Variants in SYAP1 observed in about 807,000 individuals in gnomAD.
SYAP1 encodes synapse associated protein 1.
A neutral mutation model predicts 29.6 loss-of-function variants in SYAP1; 3 were observed. The observed-to-expected ratio is 0.10, with a 90% CI of 0.05 to 0.26. The LOEUF (loss-of-function observed/expected upper bound fraction) is 0.26, where lower values mean the gene tolerates loss of function less well. SYAP1 is among the 10% of genes least tolerant of loss of function. The pLI is 1.00. For synonymous variants in SYAP1, 102 were observed against 102.7 expected (o/e 0.99, Z 0.04); for missense variants, 217 against 264.1 (o/e 0.82, Z 1.24).
In SYAP1 at chrX:16,738,461, G is replaced by A. The variant is rs140481131; in HGVS notation, c.361+2229G>A. ...CAGTCAGCAAGGGTAAGTAATTTGC[G>A]GAAGGTCACTCAGCTGGTAAGTGAT... is the stretch of plus-strand genomic sequence containing the variant. On this transcript the variant is annotated intron_variant, in intron 3 of 8. Coordinates refer to ENST00000380155, the MANE Select transcript of SYAP1 (RefSeq NM_032796.4). 8.4e-3 allele frequency among the ~76,000 whole-genome samples: 932 copies of A among 110,898 alleles called. 12 individuals are homozygous for A. Among genetic ancestry groups the A allele is most frequent in the African/African-American group, 0.029 (883 of 30,501 alleles).
At chrX:16,732,475 T>C (rs1013048259) in intron 1 of SYAP1, among the ~76,000 whole-genome samples, 2 of 108,222 alleles carry the variant, frequency 1.8e-5, no homozygotes, top group Non-Finnish European at 3.8e-5. Context: ...GGTTTCACCA[T>C]GTTAGCCAGG....
At chrX:16,752,107 G>T (rs1196748789) in intron 5 of SYAP1, among the ~76,000 whole-genome samples, 2 of 104,542 alleles carry the variant, frequency 1.9e-5, no homozygotes, top group African/African-American at 3.5e-5. Flanking sequence ...AGCCTCCCAA[G>T]TAGCTGGGAC....
intron 3 of SYAP1, among the ~76,000 whole-genome samples, chrX:16,738,712 G>A (rs777260957): frequency 2.9e-4 from 32 of 111,728 alleles, no homozygotes; most frequent in African/African-American, 9.7e-4. Context: ...ACCCAAGAGA[G>A]TGGACAACTA....
chrX:16,741,926 C>T, intron 4 of SYAP1, 137 bp downstream of exon 4: 1 of 439,654 alleles, frequency 2.3e-6, no homozygotes, highest in Non-Finnish European at 4.0e-6. Context: ...TACACATTAA[C>T]ACATGATGTG....
Position 16,755,064 on chromosome X carries a change from A to T in SYAP1, c.695A>T (p.Asn232Ile), listed in dbSNP as rs1365327193. Residue 232 changes from asparagine to isoleucine, a missense_variant, in exon 6 of 9, where the codon AAT becomes ATT. Coordinates refer to ENST00000380155, the MANE Select transcript of SYAP1 (RefSeq NM_032796.4). Reference sequence around the variant, plus strand: ...GCCGCAGGGAAGGAGGAGAAGAGCAATGGCAGAGAGCAAGATTTGCCGCTG... The same window carrying T: ...GCCGCAGGGAAGGAGGAGAAGAGCATTGGCAGAGAGCAAGATTTGCCGCTG... ...QQAAGKEEKS[N>I]GREQDLPLAE... 3.2e-5 allele frequency: 39 copies of T among 1,211,830 alleles called. No individual in the cohort carries two copies. Among genetic ancestry groups the T allele is most frequent in the Non-Finnish European group, 4.4e-5 (39 of 895,527 alleles).
intron 5 of SYAP1, among the ~76,000 whole-genome samples, chrX:16,744,690 G>A (rs1926555393): frequency 9.0e-6 from 1 of 111,148 alleles, no homozygotes; most frequent in Admixed American, 9.6e-5. Context: ...GAATTAGCCG[G>A]GCGTGGTGGT....
chrX:16,759,191 C>T (rs1335899514), intron 8 of SYAP1, among the ~76,000 whole-genome samples: 66 of 76,410 alleles, frequency 8.6e-4, no homozygotes, highest in African/African-American at 3.2e-3. Flanking sequence ...GACTCCGTCT[C>T]AAAAAAAAAA....
chrX:16,753,092 G>C (rs1001329895), intron 5 of SYAP1, among the ~76,000 whole-genome samples: 3 of 109,266 alleles, frequency 2.7e-5, no homozygotes, highest in African/African-American at 1.0e-4. Flanking sequence ...AAATTAGCCA[G>C]GCATAGCTGG....
At chrX:16,722,637 A>G (rs751557481) in intron 1 of SYAP1, among the ~76,000 whole-genome samples, 1 of 111,043 alleles carries the variant, frequency 9.0e-6, no homozygotes, top group Non-Finnish European at 1.9e-5. Context: ...CTGGTGACCT[A>G]TTTATACATT....
intron 1 of SYAP1, among the ~76,000 whole-genome samples, chrX:16,720,598 G>A (rs775369620): frequency 3.6e-5 from 4 of 112,406 alleles, no homozygotes; most frequent in South Asian, 7.2e-4. Context: ...TTTAAAGCCC[G>A]TGCTCTTTCC....
chrX:16,751,656 C>G (rs1386082816), intron 5 of SYAP1, among the ~76,000 whole-genome samples: 1 of 106,926 alleles, frequency 9.4e-6, no homozygotes, highest in East Asian at 2.9e-4. Flanking sequence ...TGTATATGTG[C>G]TTTTTTAATG....
At chrX:16,742,698 C>T (rs1223622766) in intron 4 of SYAP1, among the ~76,000 whole-genome samples, 1 of 112,422 alleles carries the variant, frequency 8.9e-6, no homozygotes, top group Non-Finnish European at 1.9e-5. Flanking sequence ...CTCACTGCAG[C>T]CTTGAACTGG....
At chrX:16,726,963 A>G (rs1602320042) in intron 1 of SYAP1, among the ~76,000 whole-genome samples, 1 of 112,083 alleles carries the variant, frequency 8.9e-6, no homozygotes, top group African/African-American at 3.2e-5. Context: ...AATAGGAAAA[A>G]TGGGGAAAAA....
intron 1 of SYAP1, 64 bp from the exon 2 acceptor site, chrX:16,735,163 A>G: frequency 1.3e-6 from 1 of 762,599 alleles, no homozygotes; most frequent in Non-Finnish European, 1.9e-6. Flanking sequence ...TTAGATTCTC[A>G]TAAGATCTCT....
intron 8 of SYAP1, 111 bp from the exon 9 acceptor site, chrX:16,760,121 T>G: frequency 8.9e-6 from 7 of 788,012 alleles, no homozygotes; most frequent in Non-Finnish European, 1.2e-5. Context: ...CCTGAGATAC[T>G]AAAAATTACA....
intron 8 of SYAP1, among the ~76,000 whole-genome samples, chrX:16,759,421 G>A (rs1337332533): frequency 1.8e-5 from 2 of 110,944 alleles, no homozygotes; most frequent in African/African-American, 3.3e-5. Context: ...TAGCCAGTTT[G>A]TTTTCTCACC....
At chrX:16,756,391 G>A (rs765534236) in intron 6 of SYAP1, among the ~76,000 whole-genome samples, 40 of 111,325 alleles carry the variant, frequency 3.6e-4, no homozygotes, top group Non-Finnish European at 6.4e-4. Flanking sequence ...CCAGAAGTTC[G>A]AGTCCAGCCT....
chrX:16,735,527 C>T (rs1456954137), intron 2 of SYAP1, among the ~76,000 whole-genome samples, 182 bp downstream of exon 2: 1 of 112,286 alleles, frequency 8.9e-6, no homozygotes. Flanking sequence ...CATTAAATTA[C>T]AGTACTTGAT....
At chrX:16,727,056 A>G (rs1159973169) in intron 1 of SYAP1, among the ~76,000 whole-genome samples, 1 of 111,106 alleles carries the variant, frequency 9.0e-6, no homozygotes, top group East Asian at 2.8e-4. Flanking sequence ...ACTGTGGAAA[A>G]AAATAAAAAC....
Sources: gnomAD v4.1 joint callset for allele counts (sites outside exome capture counted in the v4.1 genomes callset) on GRCh38, gnomAD v4.1.1 for gene constraint, MANE v1.5 for transcripts, NCBI Gene and HGNC (gene_info 2026-07-23, HGNC 2026-07-21) for gene names.